Variants in KCND2 observed in about 807,000 individuals in gnomAD.
KCND2 encodes the protein potassium voltage-gated channel subfamily D member 2, also known as A-type voltage-gated potassium channel KCND2.
Under a neutral mutation model 54.4 loss-of-function variants are expected in KCND2, and 16 were observed. The ratio of observed to expected loss-of-function variants is 0.29; its 90% CI spans 0.20 to 0.45. The LOEUF is 0.45. KCND2 is among the 20% of genes least tolerant of loss of function. The pLI, the probability that KCND2 is intolerant of heterozygous loss-of-function variation, is 1.00. For synonymous variants in KCND2, 317 were observed against 310.7 expected (o/e 1.02, Z -0.21); for missense variants, 486 against 824.2 (o/e 0.59, Z 5.02).
intron 1 of KCND2, among the ~76,000 whole-genome samples, chr7:120,608,612 C>T (rs1792913246): frequency 6.6e-6 from 1 of 152,132 alleles, no homozygotes; most frequent in African/African-American, 2.4e-5. Flanking sequence ...TTGTTTTCCT[C>T]TGACGTCCCA....
chr7:120,616,262 A>G (rs1177644829), intron 1 of KCND2, among the ~76,000 whole-genome samples: 7 of 152,228 alleles, frequency 4.6e-5, no homozygotes, highest in African/African-American at 1.4e-4. Flanking sequence ...CCCACTGACC[A>G]TTAATTTTCT....
intron 1 of KCND2, among the ~76,000 whole-genome samples, chr7:120,463,173 A>G (rs1289075629): frequency 2.0e-5 from 3 of 151,986 alleles, no homozygotes; most frequent in Non-Finnish European, 2.9e-5. Flanking sequence ...AGATGGTTAA[A>G]CCATGACTTA....
At chr7:120,306,864 C>G (rs988225581) in intron 1 of KCND2, among the ~76,000 whole-genome samples, 10 of 151,986 alleles carry the variant, frequency 6.6e-5, no homozygotes, top group Non-Finnish European at 1.5e-4. Flanking sequence ...TGACTATCCA[C>G]AGAGTATTGG....
At chr7:120,306,275 T>C (rs868194307) in intron 1 of KCND2, among the ~76,000 whole-genome samples, 5 of 152,154 alleles carry the variant, frequency 3.3e-5, no homozygotes, top group Non-Finnish European at 7.4e-5. Flanking sequence ...ACCATATTTC[T>C]CTTTATTTAT....
chr7:120,644,476 A>G (rs1281010614), intron 1 of KCND2, among the ~76,000 whole-genome samples: 35 of 152,174 alleles, frequency 2.3e-4, no homozygotes, highest in Admixed American at 2.3e-3. Context: ...AAAATAACAA[A>G]CTACCAGGAA....
At position 120,598,164 on chromosome 7, in the gene KCND2, T is replaced by TCC. The variant is rs1792770372; in HGVS notation, c.1116-134738_1116-134737insCC. ...TGTTCCACTGAACAATTAAGTGGTT[T>TCC]CAATGAGGAAAAGTCAATTCATTCT... On this transcript the variant is annotated intron_variant, in intron 1 of 5. Transcript: ENST00000331113. Among the ~76,000 whole-genome samples the TCC allele has an allele frequency of 4.6e-5, 7 of 152,120 alleles. No individual in the cohort carries two copies. In the South Asian group the frequency reaches 1.5e-3, roughly 32 times the overall value.
At chr7:120,500,383 G>A (rs867627453) in intron 1 of KCND2, among the ~76,000 whole-genome samples, 3 of 152,180 alleles carry the variant, frequency 2.0e-5, no homozygotes, top group Middle Eastern at 6.8e-3. Flanking sequence ...TATTTTAATA[G>A]TACCTATTCT....
chr7:120,495,617 A>T (rs1174026253), intron 1 of KCND2, among the ~76,000 whole-genome samples: 2 of 152,222 alleles, frequency 1.3e-5, no homozygotes, highest in East Asian at 3.8e-4. Context: ...TAGATTTGTC[A>T]TTGGTAGATT....
intron 1 of KCND2, among the ~76,000 whole-genome samples, chr7:120,393,793 C>G (rs926430463): frequency 2.6e-5 from 4 of 151,854 alleles, no homozygotes; most frequent in African/African-American, 9.7e-5. Context: ...TTTTTAGATT[C>G]TAAAACATAT....
chr7:120,463,279 T>G (rs1406276640), intron 1 of KCND2, among the ~76,000 whole-genome samples: 3 of 151,960 alleles, frequency 2.0e-5, no homozygotes, highest in Non-Finnish European at 4.4e-5. Flanking sequence ...AATGTAATAA[T>G]TAAATCTCTC....
rs1229421375 is a variant in KCND2 at position 120,274,019 on chromosome 7, C to T, written c.-614C>T. 1 of 156,702 alleles carries T rather than the reference C, an allele frequency of 6.4e-6. No individual in the cohort carries two copies. Among genetic ancestry groups the T allele is most frequent in the South Asian group, 1.9e-4 (1 of 5,172 alleles). The allele number at this position is 156,702 out of a possible 1,614,324, so 9.7% of individuals were successfully genotyped here. Reference sequence around the variant, plus strand: ...CACCTCCATCTCTGCAAATACAGCCCGAGGAGTAGAGGCAGCAGCAGCTGG... The same window carrying T: ...CACCTCCATCTCTGCAAATACAGCCTGAGGAGTAGAGGCAGCAGCAGCTGG... On this transcript the variant is annotated 5_prime_UTR_variant, in exon 1 of 6. Coordinates refer to ENST00000331113, the MANE Select transcript of KCND2 (RefSeq NM_012281.3).
At chr7:120,320,798 C>A (rs943243134) in intron 1 of KCND2, among the ~76,000 whole-genome samples, 1 of 152,086 alleles carries the variant, frequency 6.6e-6, no homozygotes, top group Non-Finnish European at 1.5e-5. Context: ...CTGTCGCTAA[C>A]CTGGCTGATA....
chr7:120,673,151 C>T (rs1308697874), intron 1 of KCND2, among the ~76,000 whole-genome samples: 1 of 152,086 alleles, frequency 6.6e-6, no homozygotes, highest in Non-Finnish European at 1.5e-5. Flanking sequence ...AGAAACCAAA[C>T]TTGCCAACAC....
intron 1 of KCND2, among the ~76,000 whole-genome samples, chr7:120,451,689 A>G (rs1156607047): frequency 6.6e-6 from 1 of 152,190 alleles, no homozygotes; most frequent in African/African-American, 2.4e-5. Flanking sequence ...CTCCATGCCT[A>G]TTTCAGGCTT....
rs188451166 is a variant in KCND2, at chr7:120,508,347, C to T, written c.1116-224556C>T. On this transcript the variant is annotated intron_variant, in intron 1 of 5. Coordinates refer to ENST00000331113, the MANE Select transcript of KCND2 (RefSeq NM_012281.3). ...GGGAGTTGAAATTTCCAGTCAGAAA[C>T]GGGTATATAACACTTTCTGAATCTT... 8.6e-4 allele frequency among the ~76,000 whole-genome samples: 130 copies of T among 151,872 alleles called. 1 individual carries two copies. The highest frequency in any genetic ancestry group is 3.4e-3 in the Middle Eastern group (1 of 294).
intron 2 of KCND2, 72 bp from the exon 3 acceptor site, chr7:120,741,462 A>G (rs1792939870): frequency 1.0e-5 from 10 of 1,003,360 alleles, no homozygotes; most frequent in Non-Finnish European, 1.4e-5. Flanking sequence ...ATAGGATTAT[A>G]CAAGGGTTCA....
intron 1 of KCND2, among the ~76,000 whole-genome samples, chr7:120,664,348 T>A (rs1370780923): frequency 6.6e-6 from 1 of 152,066 alleles, no homozygotes; most frequent in Non-Finnish European, 1.5e-5. Context: ...AAATTATACA[T>A]ATGCCTTAAA....
intron 1 of KCND2, among the ~76,000 whole-genome samples, chr7:120,600,281 T>A (rs1222031255): frequency 6.6e-6 from 1 of 152,016 alleles, no homozygotes; most frequent in African/African-American, 2.4e-5. Flanking sequence ...AAAAGCTTTT[T>A]TAGTCTCTGT....
intron 1 of KCND2, among the ~76,000 whole-genome samples, chr7:120,276,914 A>T (rs989412099): frequency 6.6e-6 from 1 of 152,060 alleles, no homozygotes; most frequent in African/African-American, 2.4e-5. Context: ...TTGCATAGGT[A>T]ATCAGTTTAG....
Sources: gnomAD v4.1 joint callset for allele counts (sites outside exome capture counted in the v4.1 genomes callset) on GRCh38, gnomAD v4.1.1 for gene constraint, MANE v1.5 for transcripts, NCBI Gene and HGNC (gene_info 2026-07-23, HGNC 2026-07-21) for gene names.